OR2L5: variants seen among roughly 807,000 people sequenced by gnomAD.
OR2L5 encodes olfactory receptor family 2 subfamily L member 5.
For missense variants in OR2L5, 413 were observed against 381.6 expected (o/e 1.08, Z -0.69); for synonymous variants, 169 against 142.0 (o/e 1.19, Z -1.35).
Position 248,023,612 on chromosome 1 carries a change from C to G in OR2L5, c.*726C>G, listed in dbSNP as rs1244933599. 4 of 152,200 alleles carry G rather than the reference C, an allele frequency of 2.6e-5. No homozygotes were observed. The highest frequency in any genetic ancestry group is 9.7e-5 in the African/African-American group (4 of 41,446). 9.4% of individuals were successfully genotyped at this position (152,200 alleles called of 1,614,324 possible). On this transcript the variant is annotated 3_prime_UTR_variant, in exon 2 of 2. Coordinates refer to ENST00000355281, the MANE Select transcript of OR2L5 (RefSeq NM_001258284.2). The stretch of plus-strand genomic sequence containing the variant: ...TCTGAACAATTTTTTTCTACTTACT[C>G]TTCAAAATCAGCAAGTCTATACATC...
chr1:248,020,346 ACTC>A (rs1297412057), intron 1 of OR2L5, among the ~76,000 whole-genome samples: 2 of 152,100 alleles, frequency 1.3e-5, no homozygotes, highest in Non-Finnish European at 2.9e-5. Context: ...CCTCCAGAAA[ACTC>A]CTAGAACTAA....
At chr1:248,015,178 C>T (rs1419288358) in intron 1 of OR2L5, among the ~76,000 whole-genome samples, 2 of 152,170 alleles carry the variant, frequency 1.3e-5, no homozygotes, top group Non-Finnish European at 2.9e-5. Context: ...TCATACCCTT[C>T]TCAACAATTA....
At chr1:248,014,947 TA>T (rs1226740010) in intron 1 of OR2L5, among the ~76,000 whole-genome samples, 1 of 152,104 alleles carries the variant, frequency 6.6e-6, no homozygotes, top group Non-Finnish European at 1.5e-5. Context: ...CATCCCAAAA[TA>T]ACAGTCAAAG....
At chr1:248,017,292 C>T (rs1329919455) in intron 1 of OR2L5, among the ~76,000 whole-genome samples, 1 of 152,142 alleles carries the variant, frequency 6.6e-6, no homozygotes, top group Admixed American at 6.5e-5. Flanking sequence ...AAAAAATGTC[C>T]TCTTCACATT....
intron 1 of OR2L5, among the ~76,000 whole-genome samples, chr1:248,017,518 A>G (rs74153012): frequency 0.031 from 4,795 of 152,304 alleles, 227 homozygotes; most frequent in African/African-American, 0.11. Context: ...GGTCTGGTAG[A>G]AAGAGACTTT....
rs1199492958 is a variant in OR2L5 at position 248,023,276 on chromosome 1, A to C, written c.*390A>C. The C allele has an allele frequency of 1.4e-5, 2 of 147,030 alleles. No homozygotes were observed. The highest frequency in any genetic ancestry group is 3.0e-5 in the African/African-American group (1 of 32,794). 9.1% of individuals were successfully genotyped at this position (147,030 alleles called of 1,614,324 possible). ...AGATTACTGAATCTAATTGAATATT[A>C]AATAATATTTTATTTACTCTCAACT... is the stretch of plus-strand genomic sequence containing the variant. On this transcript the variant is annotated 3_prime_UTR_variant, in exon 2 of 2. Transcript: ENST00000355281.
At position 248,021,642 on chromosome 1, in the gene OR2L5, C is replaced by T. The variant is rs141942181; in HGVS notation, c.-21-285C>T. ...CACAAGAAAAATGAGTACAGTACAA[C>T]GAGGTATTTTGAGAAAAAGAAAAAG... On this transcript the variant is annotated intron_variant, in intron 1 of 1. Transcript: ENST00000355281. Among the ~76,000 whole-genome samples, 49 of 152,120 alleles carry T rather than the reference C, an allele frequency of 3.2e-4. 1 individual carries two copies. The East Asian group carries it at 8.3e-3, about 26-fold the overall frequency.
At chr1:248,018,191 A>G (rs892210204) in intron 1 of OR2L5, among the ~76,000 whole-genome samples, 1 of 151,888 alleles carries the variant, frequency 6.6e-6, no homozygotes, top group African/African-American at 2.4e-5. Context: ...TTTCTTTTTT[A>G]AAAATGAGGT....
chr1:248,017,115 G>A (rs972572126), intron 1 of OR2L5, among the ~76,000 whole-genome samples: 1 of 151,910 alleles, frequency 6.6e-6, no homozygotes, highest in Non-Finnish European at 1.5e-5. Flanking sequence ...TTCATCTTTT[G>A]TATGACATCA....
chr1:248,022,339 A>C lies in OR2L5; in HGVS notation c.392A>C (p.Tyr131Ser). ...GTGGCCATTTGCTTTCCTCTCCACTATCCCATCCGTATGAGCAAAAGAATG... is the reference window on the plus strand; with the variant it reads ...GTGGCCATTTGCTTTCCTCTCCACTCTCCCATCCGTATGAGCAAAAGAATG... ...RYVAICFPLH[Y>S]PIRMSKRMYV... Residue 131 changes from tyrosine (Y) to serine (S), a missense_variant, in exon 2 of 2, where the codon TAT becomes TCT. Transcript: ENST00000355281. 1.2e-6 allele frequency: 2 copies of C among 1,614,018 alleles called. No homozygotes were observed. The highest frequency in any genetic ancestry group is 1.7e-6 in the Non-Finnish European group (2 of 1,180,014).
chr1:248,016,972 G>C (rs1662214928), intron 1 of OR2L5, among the ~76,000 whole-genome samples: 1 of 152,148 alleles, frequency 6.6e-6, no homozygotes, highest in South Asian at 2.1e-4. Flanking sequence ...CATATTGCAA[G>C]TGCCAGTGTG....
chr1:248,018,384 C>T (rs965392721), intron 1 of OR2L5, among the ~76,000 whole-genome samples: 1 of 151,994 alleles, frequency 6.6e-6, no homozygotes, highest in African/African-American at 2.4e-5. Context: ...TTACAAATAG[C>T]ACCTATTCTA....
In OR2L5 at chr1:248,014,923, A is replaced by G. The variant is rs577184040; in HGVS notation, c.-22+1185A>G. On this transcript the variant is annotated intron_variant, in intron 1 of 1. Transcript: ENST00000355281. ...CCCATGAACTTACACAGTGAAGCAG[A>G]CTAAGCACATCCTCATCCCAAAATA... Among the ~76,000 whole-genome samples, 11 of 152,324 alleles carry G rather than the reference A, an allele frequency of 7.2e-5. No homozygotes were observed. In the South Asian group the frequency reaches 2.3e-3, roughly 32 times the overall value.
rs762655925 is a variant in OR2L5 at position 248,022,355 on chromosome 1, C to T, written c.408C>T (p.Ser136=). 6.2e-7 allele frequency: 1 copy of T among 1,614,136 alleles called. No individual in the cohort carries two copies. The highest frequency in any genetic ancestry group is 8.5e-7 in the Non-Finnish European group (1 of 1,180,026). The change falls in exon 2 of 2, where the codon AGC becomes AGT. Residue 136 remains serine (S), a synonymous_variant. Transcript: ENST00000355281. ...CFPLHYPIRM[S]KRMYVLMITG... is the part of the protein sequence containing the mutation. ...CTCTCCACTATCCCATCCGTATGAG[C>T]AAAAGAATGTATGTGCTGATGATAA...
Position 248,022,600 on chromosome 1 carries a change from G to A in OR2L5, c.653G>A (p.Gly218Asp), listed in dbSNP as rs116811538. ...TTCACTGGCATTGCGTGTTCCTATG[G>A]CTGGGTTCTCCTTGCTGTCTACCGC... ...FPFTGIACSY[G>D]WVLLAVYRMH... The change falls in exon 2 of 2, where the codon GGC becomes GAC. Residue 218 changes from glycine (G) to aspartate (D), a missense_variant. Transcript: ENST00000355281. 1,962 of 1,614,128 alleles carry A rather than the reference G, an allele frequency of 1.2e-3. 12 individuals carry two copies. In the African/African-American group the frequency reaches 0.019, roughly 16 times the overall value.
intron 1 of OR2L5, among the ~76,000 whole-genome samples, chr1:248,016,782 TATG>T (rs1662208103): frequency 6.6e-6 from 1 of 151,980 alleles, no homozygotes; most frequent in African/African-American, 2.4e-5. Context: ...TATATAAACT[TATG>T]TATGTATGTG....
intron 1 of OR2L5, among the ~76,000 whole-genome samples, chr1:248,019,721 T>C (rs1662290104): frequency 6.6e-6 from 1 of 150,646 alleles, no homozygotes; most frequent in Non-Finnish European, 1.5e-5. Flanking sequence ...CTCCTCGTCC[T>C]CCTCCTCCTT....
In OR2L5 at chr1:248,022,969, G is replaced by T. The variant is rs1460813231; in HGVS notation, c.*83G>T. 4 of 1,234,542 alleles carry T rather than the reference G, an allele frequency of 3.2e-6. No individual in the cohort carries two copies. Among genetic ancestry groups the T allele is most frequent in the South Asian group, 1.6e-5 (1 of 63,684 alleles). 76.5% of individuals were successfully genotyped at this position (1,234,542 alleles called of 1,614,324 possible). On this transcript the variant is annotated 3_prime_UTR_variant, in exon 2 of 2. Transcript: ENST00000355281. ...GCAGTGAAGAAAAACATTATTACAT[G>T]CCCAGTATGTCAAACAGAGATTAAT...
At chr1:248,015,865 C>G (rs1662185798) in intron 1 of OR2L5, among the ~76,000 whole-genome samples, 3 of 152,092 alleles carry the variant, frequency 2.0e-5, no homozygotes. Context: ...ATAATGATTT[C>G]TCTTTGAGAA....
Sources: gnomAD v4.1 joint callset for allele counts (sites outside exome capture counted in the v4.1 genomes callset) on GRCh38, gnomAD v4.1.1 for gene constraint, MANE v1.5 for transcripts, NCBI Gene and HGNC (gene_info 2026-07-23, HGNC 2026-07-21) for gene names.